The following SEC24A variants were observed in gnomAD, a reference collection of about 807,000 sequenced individuals.
SEC24A encodes SEC24 homolog A, COPII component.
SEC24A carries 93 observed loss-of-function variants against 129.4 expected under a neutral mutation model. The ratio of observed to expected loss-of-function variants is 0.72; its 90% CI spans 0.61 to 0.85. The LOEUF (loss-of-function observed/expected upper bound fraction) is 0.85. Among genes scored for constraint, SEC24A ranks in the 40% least tolerant of loss-of-function variants. The pLI, the probability that SEC24A is intolerant of heterozygous loss-of-function variation, is 0.00. For synonymous variants in SEC24A, 460 were observed against 467.3 expected (o/e 0.98, Z 0.20); for missense variants, 1,264 against 1,307.4 (o/e 0.97, Z 0.51).
At chr5:134,678,578 A>AT (rs1367589029) in intron 7 of SEC24A, among the ~76,000 whole-genome samples, 65 of 149,702 alleles carry the variant, frequency 4.3e-4, no homozygotes, top group Non-Finnish European at 6.4e-4. Flanking sequence ...ATATATATAT[A>AT]TATTTTTTTA....
chr5:134,698,369 C>T (rs1049309993), intron 15 of SEC24A, among the ~76,000 whole-genome samples: 1 of 152,042 alleles, frequency 6.6e-6, no homozygotes, highest in Non-Finnish European at 1.5e-5. Context: ...TTTGGGAGGC[C>T]AAGGCTGGTG....
At position 134,648,910 on chromosome 5, in the gene SEC24A, C is replaced by G; in HGVS notation, c.-167C>G. On this transcript the variant is annotated 5_prime_UTR_variant, in exon 1 of 23. Transcript: ENST00000398844. Reference sequence around the variant, plus strand: ...AGGCTAGGCTGTGGCCGCCGGTGGCCTGGGGAGAGTGCGGCGCCATGCCTC... The same window carrying G: ...AGGCTAGGCTGTGGCCGCCGGTGGCGTGGGGAGAGTGCGGCGCCATGCCTC... 1.9e-6 allele frequency: 1 copy of G among 522,686 alleles called. No individual in the cohort carries two copies. Among genetic ancestry groups the G allele is most frequent in the South Asian group, 2.6e-5 (1 of 38,548 alleles). 32.4% of individuals were successfully genotyped at this position (522,686 alleles called of 1,614,324 possible). A position where few individuals can be genotyped will look rare whatever the true frequency, so the allele number is the denominator to read the frequency against.
At position 134,661,440 on chromosome 5, in the gene SEC24A, A is replaced by AT. The variant is rs771440366; in HGVS notation, c.420dup (p.Asn141Ter). On this transcript the variant is annotated frameshift_variant, in exon 2 of 23. Transcript: ENST00000398844. LOFTEE classifies it high-confidence loss of function. ...CTGCCACCACCTTTGAATTGGCAAT[A>AT]TAACTATCCATCCACAGCCTCACAA... The AT allele has an allele frequency of 6.2e-7, 1 of 1,614,068 alleles. No individual in the cohort carries two copies. The highest frequency in any genetic ancestry group is 1.3e-5 in the African/African-American group (1 of 74,926).
Position 134,700,411 on chromosome 5 carries a change from G to C in SEC24A, c.2266+2354G>C, listed in dbSNP as rs1751970345. On this transcript the variant is annotated intron_variant, in intron 15 of 22. Transcript: ENST00000398844. ...ATTTTTAATTTTTCTGTAGAGACAGGGTCTTACTTTGTTACACAGGCTGGT... is the reference window on the plus strand; with the variant it reads ...ATTTTTAATTTTTCTGTAGAGACAGCGTCTTACTTTGTTACACAGGCTGGT... Among the ~76,000 whole-genome samples, 2 of 151,686 alleles carry C rather than the reference G, an allele frequency of 1.3e-5. 1 individual carries two copies. Among genetic ancestry groups the C allele is most frequent in the Non-Finnish European group, 2.9e-5 (2 of 67,954 alleles).
At chr5:134,675,002 A>G (rs777256720) in intron 5 of SEC24A, 43 bp from the exon 6 acceptor site, 1 of 1,470,650 alleles carries the variant, frequency 6.8e-7, no homozygotes. Context: ...ACTTCCCTAC[A>G]CACTTAATAA....
chr5:134,710,530 G>C (rs1206962529), intron 18 of SEC24A, among the ~76,000 whole-genome samples: 1 of 152,096 alleles, frequency 6.6e-6, no homozygotes, highest in Non-Finnish European at 1.5e-5. Flanking sequence ...ACCATGCCTG[G>C]TCCTTAATCT....
Position 134,703,804 on chromosome 5 carries a change from C to T in SEC24A, c.2312C>T (p.Thr771Ile). ...TFHGNFFVRS[T>I]DLLSLPNVNP... Reference sequence around the variant, plus strand: ...CATGGAAACTTCTTTGTTAGGTCAACCGACTTACTGTCTTTGCCTAACGTC... The same window carrying T: ...CATGGAAACTTCTTTGTTAGGTCAATCGACTTACTGTCTTTGCCTAACGTC... The change falls in exon 16 of 23, where the codon ACC becomes ATC. Residue 771 changes from threonine to isoleucine, a missense_variant. Coordinates refer to ENST00000398844, the MANE Select transcript of SEC24A (RefSeq NM_021982.3). 2.5e-6 allele frequency: 4 copies of T among 1,613,410 alleles called. No homozygotes were observed. The highest frequency in any genetic ancestry group is 3.4e-6 in the Non-Finnish European group (4 of 1,179,414).
At chr5:134,655,441 G>T (rs1386208593) in intron 1 of SEC24A, among the ~76,000 whole-genome samples, 1 of 152,042 alleles carries the variant, frequency 6.6e-6, no homozygotes, top group Non-Finnish European at 1.5e-5. Flanking sequence ...ACAAGGTCCG[G>T]AGTTCAAGAC....
intron 7 of SEC24A, among the ~76,000 whole-genome samples, chr5:134,678,722 T>C (rs1751156087): frequency 6.6e-6 from 1 of 151,996 alleles, no homozygotes. Context: ...GCTGGGATTA[T>C]AGGCACCTGC....
Position 134,671,984 on chromosome 5 carries a change from C to T in SEC24A, c.817+98C>T. 1.7e-5 allele frequency: 13 copies of T among 743,358 alleles called. No individual in the cohort carries two copies. The South Asian group carries it at 2.2e-4, about 13-fold the overall frequency. The allele number at this position is 743,358 out of a possible 1,614,324, so 46.0% of individuals were successfully genotyped here. On this transcript the variant is annotated intron_variant, in intron 4 of 22. Transcript: ENST00000398844. ...AATATATAGGAAACTAAGAGGGAAA[C>T]TTCATAATCATGTAGCCATACATAC...
At position 134,697,799 on chromosome 5, in the gene SEC24A, T is replaced by G. The variant is rs545214926; in HGVS notation, c.2108-100T>G. 1.5e-4 allele frequency: 191 copies of G among 1,253,748 alleles called. 1 individual carries two copies. The African/African-American group carries it at 2.3e-3, about 15-fold the overall frequency. 77.7% of individuals were successfully genotyped at this position (1,253,748 alleles called of 1,614,324 possible). A position where few individuals can be genotyped will look rare whatever the true frequency, so the allele number is the denominator to read the frequency against. Reference sequence around the variant, plus strand: ...ATCTCCTTTCTGACAGTAGTTTACCTTGGAAAGTTAAAGAAAGATTGATTC... The same window carrying G: ...ATCTCCTTTCTGACAGTAGTTTACCGTGGAAAGTTAAAGAAAGATTGATTC... On this transcript the variant is annotated intron_variant, in intron 14 of 22. Coordinates refer to ENST00000398844, the MANE Select transcript of SEC24A (RefSeq NM_021982.3).
chr5:134,719,020 A>G (rs897441715), intron 20 of SEC24A, among the ~76,000 whole-genome samples: 5 of 152,004 alleles, frequency 3.3e-5, no homozygotes, highest in African/African-American at 1.2e-4. Flanking sequence ...TAATGATATA[A>G]AGAATATTTT....
chr5:134,692,036 A>ATATTT (rs1751673447), intron 11 of SEC24A, among the ~76,000 whole-genome samples: 1 of 149,606 alleles, frequency 6.7e-6, no homozygotes, highest in South Asian at 2.1e-4. Flanking sequence ...GTACAGATCA[A>ATATTT]TATTTTATTT....
chr5:134,665,586 C>T (rs1049529463), intron 2 of SEC24A, among the ~76,000 whole-genome samples: 3 of 151,842 alleles, frequency 2.0e-5, no homozygotes, highest in African/African-American at 7.3e-5. Context: ...GACAGAGTCT[C>T]GCTCTTGTTG....
chr5:134,654,502 G>C (rs184584479), intron 1 of SEC24A, among the ~76,000 whole-genome samples: 42 of 152,230 alleles, frequency 2.8e-4, no homozygotes, highest in Non-Finnish European at 3.5e-4. Flanking sequence ...TTACAGGCGT[G>C]AGCCACTGCG....
At chr5:134,695,316 G>A (rs534277803) in intron 13 of SEC24A, among the ~76,000 whole-genome samples, 6 of 151,760 alleles carry the variant, frequency 4.0e-5, no homozygotes, top group African/African-American at 9.7e-5. Flanking sequence ...CAGTGAGATC[G>A]TGCCACTACA....
At chr5:134,649,814 T>C (rs1230985818) in intron 1 of SEC24A, among the ~76,000 whole-genome samples, 1 of 152,250 alleles carries the variant, frequency 6.6e-6, no homozygotes, top group Non-Finnish European at 1.5e-5. Flanking sequence ...AGTCTACATG[T>C]ACATTATAGT....
chr5:134,671,076 G>A (rs761213140), intron 3 of SEC24A, among the ~76,000 whole-genome samples: 9 of 151,748 alleles, frequency 5.9e-5, no homozygotes, highest in Non-Finnish European at 8.8e-5. Flanking sequence ...ATGGAGTTTC[G>A]CTCTGTCGCC....
intron 2 of SEC24A, among the ~76,000 whole-genome samples, chr5:134,666,152 AAAAC>A (rs1750651996): frequency 6.6e-6 from 1 of 152,176 alleles, no homozygotes; most frequent in Non-Finnish European, 1.5e-5. Flanking sequence ...ATTAATAATA[AAAAC>A]AAACAGGGCA....
Sources: gnomAD v4.1 joint callset for allele counts (sites outside exome capture counted in the v4.1 genomes callset) on GRCh38, gnomAD v4.1.1 for gene constraint, MANE v1.5 for transcripts, NCBI Gene and HGNC (gene_info 2026-07-23, HGNC 2026-07-21) for gene names.